Variants in KAZN observed in about 807,000 individuals in gnomAD.
KAZN encodes the protein kazrin, periplakin interacting protein.
Under a neutral mutation model 87.4 loss-of-function variants are expected in KAZN, and 40 were observed. The ratio of observed to expected loss-of-function variants is 0.46; its 90% CI spans 0.36 to 0.60. The LOEUF (loss-of-function observed/expected upper bound fraction) is 0.60. Among genes scored for constraint, KAZN ranks in the 20% least tolerant of loss-of-function variants. The pLI is 0.00. For synonymous variants in KAZN, 466 were observed against 458.3 expected, an observed-to-expected ratio of 1.02 and a Z score of -0.22; for missense variants, 898 against 1,073.9, an observed-to-expected ratio of 0.84 and a Z score of 2.29.
chr1:15,046,585 T>C (rs1673567292), intron 4 of KAZN, among the ~76,000 whole-genome samples: 1 of 152,142 alleles, frequency 6.6e-6, no homozygotes, highest in Admixed American at 6.5e-5. Context: ...AGGAGAAGCA[T>C]TTGGCACCGG....
intron 2 of KAZN, among the ~76,000 whole-genome samples, chr1:15,032,350 G>A (rs4661312): frequency 0.79 from 119,731 of 151,268 alleles, 47,784 homozygotes; most frequent in Admixed American, 0.85. Context: ...CTGCCACTAC[G>A]CCCGGCTAAC....
intron 1 of KAZN, among the ~76,000 whole-genome samples, chr1:13,911,590 GT>G (rs887952349): frequency 3.3e-5 from 5 of 152,150 alleles, no homozygotes; most frequent in African/African-American, 1.2e-4. Context: ...AGATTCTCCT[GT>G]TTTCTGATGC....
At chr1:14,069,248 ATGAGGAGGGGC>A (rs1170582519) in intron 1 of KAZN, among the ~76,000 whole-genome samples, 1 of 152,204 alleles carries the variant, frequency 6.6e-6, no homozygotes, top group Non-Finnish European at 1.5e-5. Flanking sequence ...TCAGTCCAGT[ATGAGGAGGGGC>A]TGCTTGTCCC....
intron 1 of KAZN, among the ~76,000 whole-genome samples, chr1:14,173,981 G>A (rs1646013670): frequency 6.6e-6 from 1 of 152,198 alleles, no homozygotes; most frequent in Admixed American, 6.5e-5. Flanking sequence ...ACCTAACACA[G>A]GGTGACCAGC....
chr1:14,272,892 A>T (rs1007336674), intron 2 of KAZN, among the ~76,000 whole-genome samples: 2 of 152,168 alleles, frequency 1.3e-5, no homozygotes, highest in Admixed American at 6.6e-5. Flanking sequence ...AAAAATAAAT[A>T]AATAAATCTC....
intron 1 of KAZN, among the ~76,000 whole-genome samples, chr1:14,805,722 A>T (rs1371892242): frequency 1.3e-5 from 2 of 151,396 alleles, no homozygotes; most frequent in Non-Finnish European, 2.9e-5. Flanking sequence ...GATCGCGCCA[A>T]TGCACTCCAG....
intron 3 of KAZN, among the ~76,000 whole-genome samples, chr1:15,035,696 C>T (rs994589007): frequency 4.6e-5 from 7 of 152,100 alleles, no homozygotes; most frequent in East Asian, 3.9e-4. Context: ...AAAAAGTAGC[C>T]GGTCATTGTG....
chr1:14,264,821 A>C (rs560320016), intron 2 of KAZN, among the ~76,000 whole-genome samples: 3 of 152,290 alleles, frequency 2.0e-5, no homozygotes, highest in South Asian at 2.1e-4. Flanking sequence ...CAAACAAATA[A>C]ATTTCTCTGC....
At chr1:14,993,659 G>A (rs558926176) in intron 2 of KAZN, among the ~76,000 whole-genome samples, 14 of 152,192 alleles carry the variant, frequency 9.2e-5, no homozygotes, top group East Asian at 1.9e-4. Flanking sequence ...GGGTGATCGC[G>A]CTGACCCTGG....
rs144533809 is a variant in KAZN at position 14,324,504 on chromosome 1, G to A, written c.249+143912G>A. 6.3e-3 allele frequency among the ~76,000 whole-genome samples: 963 copies of A among 152,278 alleles called. 1 individual carries two copies. Among genetic ancestry groups the A allele is most frequent in the Non-Finnish European group, 0.011 (738 of 68,022 alleles). On this transcript the variant is annotated intron_variant, in intron 2 of 16. Coordinates refer to the KAZN transcript ENST00000636203. ...AATGACTCCAGTATTCATGCAAGGGGAGGCAAGGTGGTAAATGTTACCTTG... is the reference window on the plus strand; with the variant it reads ...AATGACTCCAGTATTCATGCAAGGGAAGGCAAGGTGGTAAATGTTACCTTG...
intron 2 of KAZN, among the ~76,000 whole-genome samples, chr1:14,338,803 A>G (rs1387881875): frequency 1.3e-5 from 2 of 152,218 alleles, no homozygotes; most frequent in Non-Finnish European, 1.5e-5. Flanking sequence ...TTCTCAGTAC[A>G]TAAGTGAGAT....
At chr1:15,089,081 C>T (rs1176937796) in intron 8 of KAZN, among the ~76,000 whole-genome samples, 3 of 151,932 alleles carry the variant, frequency 2.0e-5, no homozygotes, top group African/African-American at 4.8e-5. Context: ...ACCTCGACTC[C>T]CTCTCTCCCT....
intron 1 of KAZN, among the ~76,000 whole-genome samples, chr1:14,774,538 A>G (rs1645120627): frequency 6.7e-6 from 1 of 148,836 alleles, no homozygotes; most frequent in Admixed American, 6.8e-5. Flanking sequence ...TGGTGCAATC[A>G]TAGCTCACTG....
intron 1 of KAZN, among the ~76,000 whole-genome samples, chr1:14,088,653 T>C (rs958408848): frequency 1.3e-5 from 2 of 152,036 alleles, no homozygotes; most frequent in South Asian, 4.1e-4. Context: ...ACCAAGTTCA[T>C]TGATAATGTT....
intron 1 of KAZN, among the ~76,000 whole-genome samples, chr1:14,140,161 G>A (rs1195876935): frequency 6.6e-6 from 1 of 152,012 alleles, no homozygotes; most frequent in African/African-American, 2.4e-5. Context: ...AAAGGGAAGG[G>A]CTTTATGATT....
At chr1:14,707,891 C>T (rs1327143916) in intron 1 of KAZN, among the ~76,000 whole-genome samples, 1 of 152,216 alleles carries the variant, frequency 6.6e-6, no homozygotes, top group Non-Finnish European at 1.5e-5. Context: ...CCAAGCACTG[C>T]ACTGGCTCTG....
intron 1 of KAZN, among the ~76,000 whole-genome samples, chr1:14,069,041 C>T (rs1411798019): frequency 6.6e-6 from 1 of 152,152 alleles, no homozygotes; most frequent in Non-Finnish European, 1.5e-5. Flanking sequence ...TCATGATGTG[C>T]CTGCCTGGGC....
At chr1:14,258,657 A>C (rs1238620106) in intron 2 of KAZN, among the ~76,000 whole-genome samples, 3 of 152,168 alleles carry the variant, frequency 2.0e-5, no homozygotes, top group Admixed American at 6.5e-5. Context: ...CAGAATATTA[A>C]ATTCATTTCT....
chr1:14,384,492 C>T (rs948585556), intron 2 of KAZN, among the ~76,000 whole-genome samples: 10 of 152,168 alleles, frequency 6.6e-5, no homozygotes, highest in African/African-American at 2.2e-4. Flanking sequence ...TACGTCCCAT[C>T]AATACCTAAT....
Sources: allele counts gnomAD v4.1 joint callset (sites outside exome capture counted in the v4.1 genomes callset), GRCh38; gene constraint gnomAD v4.1.1; transcripts MANE v1.5; gene names NCBI Gene and HGNC (gene_info 2026-07-23, HGNC 2026-07-21).